NXPE4: variants seen among roughly 807,000 people sequenced by gnomAD.
NXPE4 encodes NXPE family member 4.
A neutral mutation model predicts 33.3 loss-of-function variants in NXPE4; 42 were observed. The observed-to-expected ratio is 1.26, with a 90% CI of 0.98 to 1.63. The LOEUF is 1.63. NXPE4 is among the 40% of genes most tolerant of loss of function. The probability of loss-of-function intolerance (pLI) is 0.00; values close to 1 mark genes in which losing one functional copy is unlikely to be tolerated. For missense variants in NXPE4, 709 were observed against 647.6 expected (o/e 1.09, Z -1.03); for synonymous variants, 253 against 234.9 (o/e 1.08, Z -0.71).
chr11:114,656,854 A>G, the NXPE4 span, among the ~76,000 whole-genome samples: 2 of 152,168 alleles, frequency 1.3e-5, no homozygotes, highest in Non-Finnish European at 2.9e-5. Flanking sequence ...GCACTTTGGG[A>G]GGCCGAGATG....
chr11:114,664,678 G>A, the NXPE4 span, among the ~76,000 whole-genome samples: 5 of 152,276 alleles, frequency 3.3e-5, no homozygotes, highest in South Asian at 8.3e-4. Flanking sequence ...CTTATGAGTT[G>A]TTGACTCATA....
intron 5 of NXPE4, among the ~76,000 whole-genome samples, chr11:114,577,557 CTTAAAAA>C (rs1361102293): frequency 3.3e-5 from 5 of 152,098 alleles, no homozygotes; most frequent in South Asian, 2.1e-4. Context: ...AAATAAAAAA[CTTAAAAA>C]TTAAAAAAGT....
upstream of NXPE4, among the ~76,000 whole-genome samples, chr11:114,597,247 A>G (rs1050108302): frequency 2.0e-5 from 3 of 152,172 alleles, no homozygotes; most frequent in Admixed American, 6.5e-5. Flanking sequence ...TGATTAGCCC[A>G]ATAGAAGGAA....
chr11:114,647,838 A>G, the NXPE4 span, among the ~76,000 whole-genome samples: 1 of 151,856 alleles, frequency 6.6e-6, no homozygotes, highest in South Asian at 2.1e-4. Context: ...AGTAGCTAAG[A>G]TTACAGGTGC....
the NXPE4 span, among the ~76,000 whole-genome samples, chr11:114,646,396 T>C: frequency 2.6e-5 from 4 of 151,904 alleles, no homozygotes; most frequent in South Asian, 8.3e-4. Context: ...CTTAAGTCCT[T>C]AGGTGGTATT....
rs912656085 is a variant in NXPE4, at chr11:114,572,082, T to C, written c.1100-609A>G. 6.6e-5 allele frequency among the ~76,000 whole-genome samples: 10 copies of C among 152,244 alleles called. 1 individual carries two copies. In the South Asian group the frequency reaches 2.1e-3, roughly 32 times the overall value. ...AGATGGGTCACATCCTATGGGATTC[T>C]TTGCAGACACTCTCCAGTACCAGCC... On this transcript the variant is annotated intron_variant, in intron 5 of 5. Transcript: ENST00000375478.
At chr11:114,581,880 G>T in intron 3 of NXPE4, 94 bp from the exon 4 acceptor site, 1 of 848,256 alleles carries the variant, frequency 1.2e-6, no homozygotes, top group Non-Finnish European at 1.9e-6. Context: ...TTATTTCTTA[G>T]AGATAAGTCA....
the NXPE4 span, among the ~76,000 whole-genome samples, chr11:114,645,012 A>T: frequency 6.6e-6 from 1 of 152,032 alleles, no homozygotes; most frequent in East Asian, 1.9e-4. Flanking sequence ...CTATTAAAAA[A>T]AAAAACAGGC....
the NXPE4 span, among the ~76,000 whole-genome samples, chr11:114,628,851 T>G: frequency 1.3e-5 from 2 of 151,674 alleles, no homozygotes; most frequent in African/African-American, 4.9e-5. Flanking sequence ...TCACCACCGA[T>G]CCCACAGAAA....
At chr11:114,636,967 T>C in the NXPE4 span, among the ~76,000 whole-genome samples, 1 of 152,176 alleles carries the variant, frequency 6.6e-6, no homozygotes, top group Admixed American at 6.5e-5. Context: ...GTTCTGTAGA[T>C]GTCTATTAGG....
At chr11:114,601,891 T>TAA in the NXPE4 span, among the ~76,000 whole-genome samples, 16 of 57,850 alleles carry the variant, frequency 2.8e-4, no homozygotes, top group South Asian at 7.5e-4. Flanking sequence ...TAATTATATA[T>TAA]TATATTTATA....
At chr11:114,581,160 A>C (rs1291335060) in intron 4 of NXPE4, among the ~76,000 whole-genome samples, 1 of 152,202 alleles carries the variant, frequency 6.6e-6, no homozygotes, top group Non-Finnish European at 1.5e-5. Flanking sequence ...GAGACATAAA[A>C]GCTCTTGCCT....
At chr11:114,578,505 A>G (rs1387393601) in intron 5 of NXPE4, among the ~76,000 whole-genome samples, 2 of 152,158 alleles carry the variant, frequency 1.3e-5, no homozygotes, top group Non-Finnish European at 2.9e-5. Context: ...GAGTTTAGTC[A>G]TTTACCAGAG....
At chr11:114,641,559 A>G in the NXPE4 span, among the ~76,000 whole-genome samples, 1 of 152,130 alleles carries the variant, frequency 6.6e-6, no homozygotes, top group African/African-American at 2.4e-5. Flanking sequence ...AATAGCAGTG[A>G]AAATTAAGAC....
the NXPE4 span, among the ~76,000 whole-genome samples, chr11:114,626,160 G>C: frequency 6.6e-6 from 1 of 152,158 alleles, no homozygotes; most frequent in South Asian, 2.1e-4. Flanking sequence ...AGCTCGAACT[G>C]GGTGGAGCCC....
the NXPE4 span, among the ~76,000 whole-genome samples, chr11:114,624,950 A>C: frequency 1.4e-5 from 2 of 138,022 alleles, no homozygotes; most frequent in Non-Finnish European, 3.1e-5. Flanking sequence ...TTGCCTCGTG[A>C]GTAACCACTG....
chr11:114,645,481 A>C, the NXPE4 span, among the ~76,000 whole-genome samples: 1 of 152,206 alleles, frequency 6.6e-6, no homozygotes, highest in Non-Finnish European at 1.5e-5. Context: ...TGAAAGACAA[A>C]CAAAAACCAA....
chr11:114,636,594 G>T, the NXPE4 span, among the ~76,000 whole-genome samples: 3 of 151,696 alleles, frequency 2.0e-5, no homozygotes, highest in Non-Finnish European at 2.9e-5. Flanking sequence ...TCTCTTGTGG[G>T]CATTTAGTGC....
the NXPE4 span, among the ~76,000 whole-genome samples, chr11:114,636,580 G>A: frequency 3.3e-5 from 5 of 151,748 alleles, no homozygotes; most frequent in East Asian, 5.8e-4. Flanking sequence ...GATCTTTCCT[G>A]CTTTCTCTTG....
Sources: allele counts gnomAD v4.1 joint callset (sites outside exome capture counted in the v4.1 genomes callset), GRCh38; gene constraint gnomAD v4.1.1; transcripts MANE v1.5; gene names NCBI Gene and HGNC (gene_info 2026-07-23, HGNC 2026-07-21).